Variants in FHIP2B observed in about 807,000 individuals in gnomAD.
The protein encoded by FHIP2B is FHF complex subunit HOOK-interacting protein 2B.
A neutral mutation model predicts 84.0 loss-of-function variants in FHIP2B; 72 were observed. That is an observed-to-expected ratio of 0.86 (90% CI 0.71 to 1.04). The LOEUF is 1.04. Among genes scored for constraint, FHIP2B ranks in the 50% least tolerant of loss-of-function variants. The pLI is 0.00. For synonymous variants in FHIP2B, 497 were observed against 418.7 expected (o/e 1.19, Z -2.28); for missense variants, 972 against 968.9 (o/e 1.00, Z -0.04).
At chr8:22,094,126 G>A (rs1344605849) in intron 1 of FHIP2B, among the ~76,000 whole-genome samples, 6 of 152,098 alleles carry the variant, frequency 3.9e-5, no homozygotes, top group Non-Finnish European at 7.3e-5. Flanking sequence ...GAAATAATCT[G>A]TGTCTGTTTC....
chr8:22,100,934 T>C lies in FHIP2B; in HGVS notation c.1578T>C (p.Ser526=). ...AGCCTCGCCTAGCTCCTGCTACCAG[T>C]TACGATGGCAAAACAGCAGTGACCG... ...PAKPRLAPAT[S]YDGKTAVTEI... The change falls in exon 12 of 17, where the codon AGT becomes AGC. Residue 526 remains serine, a synonymous_variant. Coordinates refer to ENST00000289921, the MANE Select transcript of FHIP2B (RefSeq NM_022749.7). The C allele has an allele frequency of 6.2e-7, 1 of 1,613,872 alleles. No individual in the cohort carries two copies. The highest frequency in any genetic ancestry group is 8.5e-7 in the Non-Finnish European group (1 of 1,179,868).
rs762445084 is a variant in FHIP2B at position 22,097,568 on chromosome 8, C to T, written c.350C>T (p.Ala117Val). 5 of 1,610,092 alleles carry T rather than the reference C, an allele frequency of 3.1e-6. No individual in the cohort carries two copies. The highest frequency in any genetic ancestry group is 2.7e-5 in the African/African-American group (2 of 74,812). Reference protein sequence around the residue: ...QVFQFFSKVLAQVQHPLLHYL... With the variant: ...QVFQFFSKVLVQVQHPLLHYL... ...TTCCAGTTCTTCAGCAAGGTTCTGG[C>T]GCAGGTGCAGCACCCCCTGCTGCAT... The change falls in exon 4 of 17, where the codon GCG becomes GTG. Residue 117 changes from alanine to valine, a missense_variant. By Grantham distance (64) the Ala-to-Val change is moderately conservative. Coordinates refer to ENST00000289921, the MANE Select transcript of FHIP2B (RefSeq NM_022749.7).
intron 12 of FHIP2B, 87 bp from the exon 13 acceptor site, chr8:22,101,353 G>A (rs1291457048): frequency 8.9e-7 from 1 of 1,119,750 alleles, no homozygotes; most frequent in African/African-American, 1.5e-5. Flanking sequence ...CAGCCCTGGG[G>A]TCCAGTCAGG....
chr8:22,094,741 A>G (rs1188564238), intron 2 of FHIP2B: 2 of 1,346,632 alleles, frequency 1.5e-6, no homozygotes, highest in Non-Finnish European at 1.9e-6. Flanking sequence ...ACCTTTTGGA[A>G]AGAGGCTGTG....
intron 12 of FHIP2B, chr8:22,101,185 G>T: frequency 1.5e-6 from 1 of 673,814 alleles, no homozygotes; most frequent in East Asian, 2.8e-5. Context: ...ACCACACCCA[G>T]CTAATTTTTA....
At chr8:22,101,269 C>A in intron 12 of FHIP2B, 171 bp from the exon 13 acceptor site, 1 of 650,262 alleles carries the variant, frequency 1.5e-6, no homozygotes, top group South Asian at 1.9e-5. Context: ...GTGATCCGCC[C>A]ACCTCAGCCT....
chr8:22,089,329 G>A (rs1187809740), intron 1 of FHIP2B, 31 bp downstream of exon 1: 1 of 994,346 alleles, frequency 1.0e-6, no homozygotes, highest in Non-Finnish European at 1.2e-6. Context: ...CCGGGCCGCC[G>A]GGAGTCGCGG....
chr8:22,099,584 T>A, intron 9 of FHIP2B, 120 bp from the exon 10 acceptor site: 1 of 1,257,718 alleles, frequency 8.0e-7, no homozygotes, highest in Non-Finnish European at 1.1e-6. Context: ...TCAGCAGGGA[T>A]GGGCAAGTGA....
rs1380919036 is a variant in FHIP2B at position 22,096,453 on chromosome 8, G to C, written c.241G>C (p.Glu81Gln). Reference protein sequence around the residue: ...AAAGEAGPCLEYLLQHKILET... With the variant: ...AAAGEAGPCLQYLLQHKILET... Reference sequence around the variant, plus strand: ...CGCGGGTGAGGCAGGGCCCTGCCTGGAGTACCTGCTGCAGCACAAGATCCT... The same window carrying C: ...CGCGGGTGAGGCAGGGCCCTGCCTGCAGTACCTGCTGCAGCACAAGATCCT... Residue 81 changes from glutamate to glutamine, a missense_variant, in exon 3 of 17, where the codon GAG (glutamate) becomes CAG (glutamine). By Grantham distance (29) the Glu-to-Gln change is conservative. Transcript: ENST00000289921. 1.3e-6 allele frequency: 2 copies of C among 1,554,860 alleles called. No individual in the cohort carries two copies. Among genetic ancestry groups the C allele is most frequent in the Non-Finnish European group, 1.7e-6 (2 of 1,149,320 alleles).
rs1335090562 is a variant in FHIP2B at position 22,103,025 on chromosome 8, G to C, written c.*94G>C. 90 of 1,456,632 alleles carry C rather than the reference G, an allele frequency of 6.2e-5. No homozygotes were observed. The highest frequency in any genetic ancestry group is 7.8e-5 in the Non-Finnish European group (85 of 1,088,320). The allele number at this position is 1,456,632 out of a possible 1,614,324, so 90.2% of individuals were successfully genotyped here. A position where few individuals can be genotyped will look rare whatever the true frequency, so the allele number is the denominator to read the frequency against. On this transcript the variant is annotated 3_prime_UTR_variant, in exon 17 of 17. Coordinates refer to ENST00000289921, the MANE Select transcript of FHIP2B (RefSeq NM_022749.7). Reference sequence around the variant, plus strand: ...GCCGCCACACTCCCCTCCTGGGATGGGGCTTCTGCTCCCGGGCTCACTCAA... The same window carrying C: ...GCCGCCACACTCCCCTCCTGGGATGCGGCTTCTGCTCCCGGGCTCACTCAA...
intron 5 of FHIP2B, 63 bp from the exon 6 acceptor site, chr8:22,098,005 C>A: frequency 6.5e-7 from 1 of 1,532,964 alleles, no homozygotes; most frequent in South Asian, 1.3e-5. Context: ...ACCCTGCGGT[C>A]CCAGTGGGGG....
chr8:22,100,878 T>C lies in FHIP2B; in HGVS notation c.1522T>C (p.Phe508Leu), dbSNP rs959255209. 6.2e-7 allele frequency: 1 copy of C among 1,613,720 alleles called. No homozygotes were observed. The highest frequency in any genetic ancestry group is 8.5e-7 in the Non-Finnish European group (1 of 1,179,896). Residue 508 changes from phenylalanine to leucine, a missense_variant, in exon 12 of 17, where the codon TTC becomes CTC. By Grantham distance (22) the Phe-to-Leu change is conservative (BLOSUM62 0). Coordinates refer to ENST00000289921, the MANE Select transcript of FHIP2B (RefSeq NM_022749.7). Reference sequence around the variant, plus strand: ...GGAAGACCCCTACTTCACCGACAGCTTCCTGGATTCCGGCTTTCAAACTCC... The same window carrying C: ...GGAAGACCCCTACTTCACCGACAGCCTCCTGGATTCCGGCTTTCAAACTCC... ...LEEDPYFTDS[F>L]LDSGFQTPAK...
intron 1 of FHIP2B, among the ~76,000 whole-genome samples, chr8:22,092,388 T>G (rs1198960943): frequency 1.3e-5 from 2 of 152,134 alleles, no homozygotes; most frequent in East Asian, 3.9e-4. Flanking sequence ...GAGACCAGCC[T>G]GGCCAACATG....
In FHIP2B at chr8:22,089,791, C is replaced by T. The variant is rs568107305; in HGVS notation, c.45+493C>T. 1.1e-5 allele frequency: 14 copies of T among 1,286,428 alleles called. 1 individual carries two copies. The South Asian group carries it at 1.4e-4, about 12-fold the overall frequency. 79.7% of individuals were successfully genotyped at this position (1,286,428 alleles called of 1,614,324 possible). A position where few individuals can be genotyped will look rare whatever the true frequency, so the allele number is the denominator to read the frequency against. ...TCCAGGACCTTGTTGGGGTGCAGGA[C>T]GCCCTTCCCGTCACCCCGGGACGTG... On this transcript the variant is annotated intron_variant, in intron 1 of 16. Coordinates refer to ENST00000289921, the MANE Select transcript of FHIP2B (RefSeq NM_022749.7).
At chr8:22,094,324 G>A in intron 1 of FHIP2B, 116 bp from the exon 2 acceptor site, 3 of 909,104 alleles carry the variant, frequency 3.3e-6, no homozygotes, top group Admixed American at 3.5e-5. Flanking sequence ...GGAGCAGGGT[G>A]CCTCCTCATG....
chr8:22,099,355 G>T lies in FHIP2B; in HGVS notation c.1146G>T (p.Leu382=). 6.2e-7 allele frequency: 1 copy of T among 1,613,286 alleles called. No homozygotes were observed. The highest frequency in any genetic ancestry group is 8.5e-7 in the Non-Finnish European group (1 of 1,179,594). The change falls in exon 9 of 17, where the codon CTG becomes CTT. Residue 382 remains leucine, a synonymous_variant. Coordinates refer to ENST00000289921, the MANE Select transcript of FHIP2B (RefSeq NM_022749.7). ...TGGAGACCCTGCAGCCCCAGCTCCT[G>T]CACGTGTAAGTGTCTAGTTCCCTCA... ...FFVETLQPQL[L]HVSEQSILTS...
intron 13 of FHIP2B, 25 bp from the exon 14 acceptor site, chr8:22,101,683 G>C (rs1826124464): frequency 3.8e-6 from 6 of 1,595,100 alleles, no homozygotes; most frequent in Non-Finnish European, 5.1e-6. Context: ...CAGGCCCACT[G>C]CCTCTACTTT....
chr8:22,102,962 C>A lies in FHIP2B; in HGVS notation c.*31C>A. ...CACCAGGGCGGTGGGAGACTCCTGTCCACACCTCTGCCCCAGAGCTGCCTC... is the reference window on the plus strand; with the variant it reads ...CACCAGGGCGGTGGGAGACTCCTGTACACACCTCTGCCCCAGAGCTGCCTC... On this transcript the variant is annotated 3_prime_UTR_variant, in exon 17 of 17. Coordinates refer to ENST00000289921, the MANE Select transcript of FHIP2B (RefSeq NM_022749.7). The A allele has an allele frequency of 6.2e-7, 1 of 1,604,966 alleles. No homozygotes were observed. The highest frequency in any genetic ancestry group is 8.5e-7 in the Non-Finnish European group (1 of 1,175,524).
chr8:22,099,054 A>G lies in FHIP2B; in HGVS notation c.1072A>G (p.Thr358Ala), dbSNP rs373002940. ...YCDHLITEAH[T>A]VVADALAKAV... is the part of the protein sequence containing the mutation. ...CGACCACCTCATCACAGAGGCACACACGGTGAGCAGGGGCGGGCGGAGGCC... is the reference window on the plus strand; with the variant it reads ...CGACCACCTCATCACAGAGGCACACGCGGTGAGCAGGGGCGGGCGGAGGCC... Residue 358 changes from threonine to alanine, a missense_variant and splice_region_variant, in exon 8 of 17, where the codon ACG (threonine) becomes GCG (alanine). Transcript: ENST00000289921. 5.0e-6 allele frequency: 8 copies of G among 1,598,130 alleles called. No homozygotes were observed. Among genetic ancestry groups the G allele is most frequent in the Non-Finnish European group, 6.8e-6 (8 of 1,171,724 alleles).
Sources: allele counts gnomAD v4.1 joint callset (sites outside exome capture counted in the v4.1 genomes callset), GRCh38; gene constraint gnomAD v4.1.1; transcripts MANE v1.5; gene names NCBI Gene and HGNC (gene_info 2026-07-23, HGNC 2026-07-21).